PFKP: variants seen among roughly 807,000 people sequenced by gnomAD.
PFKP encodes the protein phosphofructokinase, platelet, also known as ATP-dependent 6-phosphofructokinase, platelet type.
In PFKP, 101 loss-of-function variants were observed where a neutral mutation model predicts 94.3. The ratio of observed to expected loss-of-function variants is 1.07; its 90% CI spans 0.91 to 1.26. The LOEUF (loss-of-function observed/expected upper bound fraction) is 1.26. PFKP is among the 50% of genes most tolerant of loss of function. The pLI, the probability that PFKP is intolerant of heterozygous loss-of-function variation, is 0.00. For missense variants in PFKP, 1,145 were observed against 1,103.3 expected (o/e 1.04, Z -0.53); for synonymous variants, 573 against 432.6 (o/e 1.32, Z -4.03).
In PFKP at chr10:3,119,987, T is replaced by G. The variant is rs1403919283; in HGVS notation, c.1626T>G (p.Asn542Lys). The change falls in exon 16 of 22, where the codon AAT becomes AAG. Residue 542 changes from asparagine (N) to lysine (K), a missense_variant. Physicochemically the swap from Asn to Lys is moderately conservative, Grantham distance 94 (BLOSUM62 0). Coordinates refer to ENST00000381125, the MANE Select transcript of PFKP (RefSeq NM_002627.5). ...TGGTTCCCGCTACTGTGTCCAACAATGTGCCGGGTTCCGATTTCAGCATCG... is the reference window on the plus strand; with the variant it reads ...TGGTTCCCGCTACTGTGTCCAACAAGGTGCCGGGTTCCGATTTCAGCATCG... ...MVMVPATVSN[N>K]VPGSDFSIGA... 1 of 1,614,138 alleles carries G rather than the reference T, an allele frequency of 6.2e-7. No homozygotes were observed. Among genetic ancestry groups the G allele is most frequent in the Admixed American group, 1.7e-5 (1 of 60,034 alleles).
chr10:3,088,940 T>C (rs1454120325), intron 2 of PFKP, among the ~76,000 whole-genome samples: 4 of 152,108 alleles, frequency 2.6e-5, no homozygotes, highest in East Asian at 1.9e-4. Context: ...TTATTTCTTA[T>C]TTCTTTTTCC....
chr10:3,101,704 A>G, intron 4 of PFKP, 150 bp downstream of exon 4: 1 of 576,354 alleles, frequency 1.7e-6, no homozygotes, highest in Non-Finnish European at 3.0e-6. Context: ...ATCTCAAAAA[A>G]CAACAGCAAT....
chr10:3,084,719 GTCCTCC>G, intron 2 of PFKP, among the ~76,000 whole-genome samples: 1 of 132,118 alleles, frequency 7.6e-6, no homozygotes, highest in African/African-American at 2.6e-5. Flanking sequence ...CCCCAGGAGA[GTCCTCC>G]AGCCCCTCCC....
intron 4 of PFKP, among the ~76,000 whole-genome samples, chr10:3,102,226 G>T (rs1835081738): frequency 8.3e-6 from 1 of 121,042 alleles, no homozygotes; most frequent in Non-Finnish European, 1.7e-5. Context: ...ACTCCAGCCT[G>T]GGCGACAGAG....
At chr10:3,114,076 T>C (rs1455299850) in intron 13 of PFKP, among the ~76,000 whole-genome samples, 1 of 152,004 alleles carries the variant, frequency 6.6e-6, no homozygotes, top group East Asian at 1.9e-4. Context: ...GGAAACAGGA[T>C]TCTGAGCTCC....
intron 16 of PFKP, chr10:3,125,297 G>A: frequency 8.3e-7 from 1 of 1,205,288 alleles, no homozygotes. Context: ...ATTTATTTTA[G>A]CAACTTGTTT....
intron 3 of PFKP, chr10:3,100,970 C>G (rs1834942947): frequency 4.3e-6 from 7 of 1,612,350 alleles, no homozygotes; most frequent in Non-Finnish European, 5.9e-6. Flanking sequence ...GGTCACACCG[C>G]TTCCCTTGTC....
intron 16 of PFKP, among the ~76,000 whole-genome samples, chr10:3,126,539 G>T (rs1837967737): frequency 1.3e-5 from 2 of 152,196 alleles, no homozygotes; most frequent in Admixed American, 6.5e-5. Flanking sequence ...CGGGTTCCAT[G>T]CTGTAGCAGG....
rs1383983448 is a variant in PFKP at position 3,096,766 on chromosome 10, A to C, written c.187-2509A>C. Among the ~76,000 whole-genome samples the C allele has an allele frequency of 2.0e-5, 3 of 151,876 alleles. No homozygotes were observed. The East Asian group carries it at 5.8e-4, about 29-fold the overall frequency. ...TGGAGCGCTCTGTTGTGCTTGCAGA[A>C]TGAAGCATAATTCTTAGCAGAAACC... On this transcript the variant is annotated intron_variant, in intron 2 of 21. Coordinates refer to ENST00000381125, the MANE Select transcript of PFKP (RefSeq NM_002627.5).
intron 3 of PFKP, chr10:3,100,929 AG>A: frequency 6.2e-7 from 1 of 1,604,804 alleles, no homozygotes; most frequent in Non-Finnish European, 8.5e-7. Context: ...AGGTGCTGTA[AG>A]GGGTGACTGG....
intron 18 of PFKP, among the ~76,000 whole-genome samples, chr10:3,132,995 T>C (rs1838770153): frequency 6.6e-6 from 1 of 152,330 alleles, no homozygotes; most frequent in Non-Finnish European, 1.5e-5. Context: ...GAATTTTCCA[T>C]TTAATATTTG....
At chr10:3,123,194 G>A (rs545160467) in intron 16 of PFKP, among the ~76,000 whole-genome samples, 354 of 152,272 alleles carry the variant, frequency 2.3e-3, no homozygotes, top group African/African-American at 8.0e-3. Context: ...GTTTCAGTCC[G>A]ACCCTTTCAT....
At chr10:3,134,960 T>G (rs748862893) in intron 20 of PFKP, among the ~76,000 whole-genome samples, 5 of 152,142 alleles carry the variant, frequency 3.3e-5, no homozygotes, top group Admixed American at 6.5e-5. Flanking sequence ...AACTTCCAGT[T>G]TTGAGGAAGA....
chr10:3,075,765 C>T (rs1832528048), intron 1 of PFKP, among the ~76,000 whole-genome samples: 1 of 150,660 alleles, frequency 6.6e-6, no homozygotes. Flanking sequence ...ATTAGTCAGG[C>T]GTGGCGGTGC....
chr10:3,113,813 G>A lies in PFKP; in HGVS notation c.1371+295G>A, dbSNP rs76980537. Among the ~76,000 whole-genome samples the A allele has an allele frequency of 8.5e-5, 13 of 152,294 alleles. No individual in the cohort carries two copies. The East Asian group carries it at 1.7e-3, about 20-fold the overall frequency. ...GACATTAGGTGAGAAGGAAGGTGGC[G>A]TTGTCTCGGAGGCTGTGGTTTGTTT... is the stretch of plus-strand genomic sequence containing the variant. On this transcript the variant is annotated intron_variant, in intron 13 of 21. Coordinates refer to ENST00000381125, the MANE Select transcript of PFKP (RefSeq NM_002627.5).
intron 20 of PFKP, among the ~76,000 whole-genome samples, chr10:3,135,531 AG>A (rs1356261001): frequency 6.6e-6 from 1 of 152,206 alleles, no homozygotes; most frequent in Admixed American, 6.5e-5. Context: ...CTTTCCAGGA[AG>A]CCCTCGGGGC....
At chr10:3,088,626 G>A (rs1439601414) in intron 2 of PFKP, among the ~76,000 whole-genome samples, 2 of 152,128 alleles carry the variant, frequency 1.3e-5, no homozygotes, top group African/African-American at 4.8e-5. Flanking sequence ...AACACTCACT[G>A]CTTTTTAAAA....
intron 10 of PFKP, among the ~76,000 whole-genome samples, chr10:3,111,139 C>T (rs1174852101): frequency 2.0e-5 from 3 of 150,088 alleles, no homozygotes; most frequent in Non-Finnish European, 4.4e-5. Flanking sequence ...ATAGTGTGTG[C>T]ATGTCTGTGT....
intron 2 of PFKP, among the ~76,000 whole-genome samples, chr10:3,087,683 G>C (rs1833706285): frequency 1.3e-5 from 2 of 152,248 alleles, no homozygotes; most frequent in South Asian, 4.1e-4. Flanking sequence ...ATCTTACTGA[G>C]GAAGATAGGA....
Sources: allele counts gnomAD v4.1 joint callset (sites outside exome capture counted in the v4.1 genomes callset), GRCh38; gene constraint gnomAD v4.1.1; transcripts MANE v1.5; gene names NCBI Gene and HGNC (gene_info 2026-07-23, HGNC 2026-07-21).